SDK1: variants seen among roughly 807,000 people sequenced by gnomAD.
SDK1 encodes the protein protein sidekick-1.
SDK1 carries 157 observed loss-of-function variants against 245.5 expected under a neutral mutation model. That is an observed-to-expected ratio of 0.64 (90% CI 0.56 to 0.73). SDK1 has a LOEUF of 0.73. Ranked by LOEUF, SDK1 falls within the 30% of genes least tolerant of loss-of-function variation. The pLI, the probability that SDK1 is intolerant of heterozygous loss-of-function variation, is 0.00. For synonymous variants in SDK1, 1,647 were observed against 1,278.5 expected (o/e 1.29, Z -6.15); for missense variants, 3,583 against 3,002.3 (o/e 1.19, Z -4.52).
intron 12 of SDK1, among the ~76,000 whole-genome samples, chr7:3,972,468 TGTG>T (rs1487841562): frequency 2.0e-5 from 3 of 152,180 alleles, no homozygotes; most frequent in Admixed American, 1.3e-4. Flanking sequence ...CAGGTGAAGT[TGTG>T]GTGGCAGACA....
chr7:3,417,128 T>G (rs778390106), intron 1 of SDK1, among the ~76,000 whole-genome samples: 27 of 152,120 alleles, frequency 1.8e-4, no homozygotes, highest in Admixed American at 5.2e-4. Flanking sequence ...GAGCCGAGAC[T>G]GCGCCACTGC....
chr7:3,423,916 C>T lies in SDK1; in HGVS notation c.298+122032C>T, dbSNP rs1258760902. Among the ~76,000 whole-genome samples the T allele has an allele frequency of 2.7e-5, 4 of 150,932 alleles. 1 individual carries two copies. The highest frequency in any genetic ancestry group is 6.8e-3 in the Middle Eastern group (2 of 292). Reference sequence around the variant, plus strand: ...ACAAATGGTTCTTGGCAAACACATACTATTTTTTTTTTTTTTTTGAGATGA... The same window carrying T: ...ACAAATGGTTCTTGGCAAACACATATTATTTTTTTTTTTTTTTTGAGATGA... On this transcript the variant is annotated intron_variant, in intron 1 of 44. Coordinates refer to ENST00000404826, the MANE Select transcript of SDK1 (RefSeq NM_152744.4).
intron 9 of SDK1, among the ~76,000 whole-genome samples, chr7:3,963,068 A>G (rs1198039598): frequency 7.3e-6 from 1 of 136,602 alleles, no homozygotes; most frequent in East Asian, 2.1e-4. Context: ...TCCAGTGAGT[A>G]CACTCAGCCC....
intron 1 of SDK1, among the ~76,000 whole-genome samples, chr7:3,419,651 A>T (rs1266502299): frequency 6.6e-6 from 1 of 152,180 alleles, no homozygotes; most frequent in Non-Finnish European, 1.5e-5. Flanking sequence ...AATGTCGATC[A>T]TATGGGAAAA....
chr7:3,598,837 A>G (rs1296542324), intron 1 of SDK1, among the ~76,000 whole-genome samples: 2 of 150,772 alleles, frequency 1.3e-5, no homozygotes, highest in African/African-American at 4.9e-5. Context: ...GTGTGGACAT[A>G]TAACAGTTTG....
At chr7:3,525,953 G>A (rs1158416637) in intron 1 of SDK1, among the ~76,000 whole-genome samples, 2 of 152,094 alleles carry the variant, frequency 1.3e-5, no homozygotes, top group East Asian at 3.9e-4. Context: ...CACATTGTGG[G>A]CCAGGCGCCG....
At chr7:3,877,476 C>A (rs1471433908) in intron 5 of SDK1, among the ~76,000 whole-genome samples, 5 of 152,192 alleles carry the variant, frequency 3.3e-5, no homozygotes, top group African/African-American at 1.2e-4. Context: ...TGGAAACTCA[C>A]ATCTTTTTGG....
At chr7:3,784,222 C>T (rs1449832778) in intron 4 of SDK1, among the ~76,000 whole-genome samples, 4 of 151,602 alleles carry the variant, frequency 2.6e-5, no homozygotes, top group African/African-American at 4.8e-5. Flanking sequence ...CTGGCCTATT[C>T]AACTGATTTT....
chr7:3,478,604 T>A (rs890219957), intron 1 of SDK1, among the ~76,000 whole-genome samples: 1 of 151,834 alleles, frequency 6.6e-6, no homozygotes, highest in African/African-American at 2.4e-5. Context: ...TTTTTCTTTG[T>A]TCTTGATCAA....
chr7:3,531,918 C>T (rs560380609), intron 1 of SDK1, among the ~76,000 whole-genome samples: 4 of 152,240 alleles, frequency 2.6e-5, no homozygotes, highest in Non-Finnish European at 5.9e-5. Flanking sequence ...TTTATTTGTA[C>T]TAAAGTAGCA....
intron 5 of SDK1, 76 bp from the exon 6 acceptor site, chr7:3,950,847 C>G (rs117359857): frequency 2.7e-6 from 3 of 1,128,028 alleles, no homozygotes; most frequent in Non-Finnish European, 4.0e-6. Context: ...GGTCTTGGAA[C>G]GTGTCCCCTC....
intron 5 of SDK1, among the ~76,000 whole-genome samples, chr7:3,898,859 C>A (rs1448034686): frequency 2.0e-5 from 3 of 152,098 alleles, no homozygotes; most frequent in Admixed American, 6.6e-5. Context: ...AGGCTAAATT[C>A]ATCTGTAACA....
chr7:3,327,431 G>A (rs1401776767), intron 1 of SDK1, among the ~76,000 whole-genome samples: 2 of 152,138 alleles, frequency 1.3e-5, no homozygotes, highest in Non-Finnish European at 2.9e-5. Flanking sequence ...CTGGAAGCAA[G>A]CGACTGGTTT....
At chr7:3,459,110 A>G (rs1048356464) in intron 1 of SDK1, among the ~76,000 whole-genome samples, 3 of 152,178 alleles carry the variant, frequency 2.0e-5, no homozygotes, top group East Asian at 1.9e-4. Flanking sequence ...TGACATCATT[A>G]TAGTATTGTA....
At chr7:3,329,882 A>G (rs544779145) in intron 1 of SDK1, among the ~76,000 whole-genome samples, 2 of 152,350 alleles carry the variant, frequency 1.3e-5, no homozygotes, top group Non-Finnish European at 2.9e-5. Flanking sequence ...TAAGTAATCT[A>G]GCGATGACTT....
At chr7:4,088,815 A>G (rs1781593348) in intron 22 of SDK1, among the ~76,000 whole-genome samples, 1 of 152,190 alleles carries the variant, frequency 6.6e-6, no homozygotes, top group Non-Finnish European at 1.5e-5. Flanking sequence ...TTTAAGATCG[A>G]TAGTGTATTT....
intron 1 of SDK1, among the ~76,000 whole-genome samples, chr7:3,324,558 G>A (rs1327276301): frequency 6.6e-6 from 1 of 152,136 alleles, no homozygotes; most frequent in Non-Finnish European, 1.5e-5. Flanking sequence ...GATCAAAGAT[G>A]AAGTGGAACT....
At chr7:4,164,497 G>A (rs958853570) in intron 32 of SDK1, among the ~76,000 whole-genome samples, 2 of 152,190 alleles carry the variant, frequency 1.3e-5, no homozygotes, top group South Asian at 2.1e-4. Flanking sequence ...CCAAGTGCTC[G>A]TTTCCCAGCC....
intron 16 of SDK1, among the ~76,000 whole-genome samples, 195 bp downstream of exon 16, chr7:4,012,430 C>CTA (rs1786054654): frequency 6.6e-6 from 1 of 151,482 alleles, no homozygotes; most frequent in South Asian, 2.1e-4. Context: ...CGTGCAGAGA[C>CTA]ATTCTGTGCA....
Sources: gnomAD v4.1 joint callset for allele counts (sites outside exome capture counted in the v4.1 genomes callset) on GRCh38, gnomAD v4.1.1 for gene constraint, MANE v1.5 for transcripts, NCBI Gene and HGNC (gene_info 2026-07-23, HGNC 2026-07-21) for gene names.